Variants in LINGO2 observed in about 807,000 individuals in gnomAD.
LINGO2 encodes the protein leucine-rich repeat and immunoglobulin-like domain-containing nogo receptor-interacting protein 2.
In LINGO2, 14 loss-of-function variants were observed where a neutral mutation model predicts 30.6. The ratio of observed to expected loss-of-function variants is 0.46; its 90% CI spans 0.30 to 0.72. LINGO2 has a LOEUF of 0.72. Among genes scored for constraint, LINGO2 ranks in the 30% least tolerant of loss-of-function variants. The pLI, the probability that LINGO2 is intolerant of heterozygous loss-of-function variation, is 0.07. For missense variants in LINGO2, 729 were observed against 751.7 expected, an observed-to-expected ratio of 0.97 and a Z score of 0.35; for synonymous variants, 317 against 288.5, an observed-to-expected ratio of 1.10 and a Z score of -1.00.
At chr9:28,542,704 T>G (rs973827931) in intron 1 of LINGO2, among the ~76,000 whole-genome samples, 1 of 152,042 alleles carries the variant, frequency 6.6e-6, no homozygotes, top group Non-Finnish European at 1.5e-5. Context: ...AATTAAGAAT[T>G]ATTTAAGGAA....
At chr9:28,141,645 G>A (rs1587069903) in intron 4 of LINGO2, among the ~76,000 whole-genome samples, 1 of 152,044 alleles carries the variant, frequency 6.6e-6, no homozygotes, top group Admixed American at 6.5e-5. Flanking sequence ...GGCTGGGTGC[G>A]GTGGCTCATG....
chr9:28,572,891 T>A (rs1823767926), intron 1 of LINGO2, among the ~76,000 whole-genome samples: 1 of 152,146 alleles, frequency 6.6e-6, no homozygotes, highest in Non-Finnish European at 1.5e-5. Context: ...TAATTTGAGA[T>A]GTCCTTCAAA....
At chr9:28,591,532 T>C (rs1284126970) in intron 1 of LINGO2, among the ~76,000 whole-genome samples, 1 of 152,038 alleles carries the variant, frequency 6.6e-6, no homozygotes, top group African/African-American at 2.4e-5. Context: ...TACTCAGAGA[T>C]TGTTAATAAC....
At chr9:28,075,294 T>C (rs1488197625) in intron 4 of LINGO2, among the ~76,000 whole-genome samples, 1 of 152,050 alleles carries the variant, frequency 6.6e-6, no homozygotes, top group Non-Finnish European at 1.5e-5. Flanking sequence ...ATAAGTAGCT[T>C]ATTCATTCCT....
chr9:28,384,345 A>ATATATATATATATATATATATATC (rs1821487085), intron 2 of LINGO2, among the ~76,000 whole-genome samples: 1 of 149,238 alleles, frequency 6.7e-6, no homozygotes, highest in Non-Finnish European at 1.5e-5. Context: ...ATATATATAT[A>ATATATATATATATATATATATATC]TATATGCCTG....
At chr9:29,188,349 C>T in the LINGO2 span, among the ~76,000 whole-genome samples, 1 of 151,952 alleles carries the variant, frequency 6.6e-6, no homozygotes, top group Non-Finnish European at 1.5e-5. Context: ...GGTCACAGAT[C>T]AACAGGATCC....
chr9:28,231,442 G>C lies in LINGO2; in HGVS notation c.-87+63766C>G, dbSNP rs371842990. On this transcript the variant is annotated intron_variant, in intron 4 of 5. Coordinates refer to ENST00000379992, the Ensembl canonical transcript of LINGO2. ...GTATTTAAAATTATAAATACTAAAG[G>C]ATTCTTAAATATTTAAGAAATGTTT... Among the ~76,000 whole-genome samples the C allele has an allele frequency of 1.3e-3, 199 of 152,012 alleles. 2 individuals carry two copies. In the South Asian group the frequency reaches 0.027, roughly 20 times the overall value.
chr9:28,766,163 C>T, the LINGO2 span, among the ~76,000 whole-genome samples: 1 of 151,938 alleles, frequency 6.6e-6, no homozygotes, highest in South Asian at 2.1e-4. Context: ...AGGCTGCCTA[C>T]TATTTGGGAG....
chr9:28,388,352 T>G (rs958682605), intron 2 of LINGO2, among the ~76,000 whole-genome samples: 5 of 152,192 alleles, frequency 3.3e-5, no homozygotes, highest in African/African-American at 9.7e-5. Flanking sequence ...ATTTTGCTAT[T>G]GTAAACATTG....
chr9:28,519,530 C>T (rs768157505), intron 1 of LINGO2, among the ~76,000 whole-genome samples: 3 of 152,158 alleles, frequency 2.0e-5, no homozygotes, highest in Non-Finnish European at 4.4e-5. Context: ...CAAATCATTC[C>T]TATCCTCTGT....
chr9:28,971,688 C>T, the LINGO2 span, among the ~76,000 whole-genome samples: 9 of 152,238 alleles, frequency 5.9e-5, no homozygotes, highest in Non-Finnish European at 1.2e-4. Flanking sequence ...ACTCAGATGG[C>T]ACCTCTGGAC....
chr9:28,166,984 G>A, intron 4 of LINGO2, among the ~76,000 whole-genome samples: 1 of 152,166 alleles, frequency 6.6e-6, no homozygotes, highest in Non-Finnish European at 1.5e-5. Context: ...ACCTCTCGAA[G>A]TTCTGTGTGA....
At chr9:28,045,925 GA>G (rs1824400749) in intron 4 of LINGO2, among the ~76,000 whole-genome samples, 2 of 152,146 alleles carry the variant, frequency 1.3e-5, no homozygotes, top group African/African-American at 4.8e-5. Flanking sequence ...TGATGATGAT[GA>G]AAAGCAAAGA....
intron 4 of LINGO2, among the ~76,000 whole-genome samples, chr9:28,240,816 T>C (rs1272447056): frequency 1.3e-5 from 2 of 152,200 alleles, no homozygotes; most frequent in East Asian, 1.9e-4. Flanking sequence ...TTTAAAAAGC[T>C]GAAGTTTATA....
At chr9:28,972,198 T>C in the LINGO2 span, among the ~76,000 whole-genome samples, 563 of 152,282 alleles carry the variant, frequency 3.7e-3, 3 homozygotes, top group African/African-American at 0.013. Flanking sequence ...ACCCAGACAG[T>C]AAACACTGTA....
At chr9:29,080,622 C>A in the LINGO2 span, among the ~76,000 whole-genome samples, 1 of 151,896 alleles carries the variant, frequency 6.6e-6, no homozygotes, top group Non-Finnish European at 1.5e-5. Context: ...TGAATGTGTC[C>A]CAGAGATTCT....
chr9:28,374,277 C>G (rs1193507467), intron 2 of LINGO2, among the ~76,000 whole-genome samples: 1 of 150,002 alleles, frequency 6.7e-6, no homozygotes, highest in African/African-American at 2.5e-5. Context: ...GAGTAGCTAT[C>G]AGACACTTAA....
At chr9:28,476,786 G>C in intron 1 of LINGO2, among the ~76,000 whole-genome samples, 1 of 152,204 alleles carries the variant, frequency 6.6e-6, no homozygotes, top group East Asian at 1.9e-4. Flanking sequence ...CAGCATGCAA[G>C]TCTAAGATTA....
In LINGO2 at chr9:28,354,032, C is replaced by T. The variant is rs372855456; in HGVS notation, c.-246+18804G>A. Among the ~76,000 whole-genome samples, 13 of 152,024 alleles carry T rather than the reference C, an allele frequency of 8.6e-5. No homozygotes were observed. In the East Asian group the frequency reaches 9.7e-4, roughly 11 times the overall value. The stretch of plus-strand genomic sequence containing the variant: ...GTGGGTGAGGGGGCAGGGATAGCAT[C>T]GGGAGATATACCTAATGCTAGATGA... On this transcript the variant is annotated intron_variant, in intron 3 of 5. Transcript: ENST00000379992.
Sources: allele counts gnomAD v4.1 joint callset (sites outside exome capture counted in the v4.1 genomes callset), GRCh38; gene constraint gnomAD v4.1.1; transcripts MANE v1.5; gene names NCBI Gene and HGNC (gene_info 2026-07-23, HGNC 2026-07-21).